RANBP17: variants seen among roughly 807,000 people sequenced by gnomAD.
RANBP17 encodes the protein ran-binding protein 17.
A neutral mutation model predicts 141.2 loss-of-function variants in RANBP17; 158 were observed. The observed-to-expected ratio is 1.12, with a 90% CI of 0.98 to 1.28. RANBP17 has a LOEUF of 1.28. Among genes scored for constraint, RANBP17 ranks in the 50% most tolerant of loss-of-function variants. The probability of loss-of-function intolerance (pLI) is 0.00; values close to 1 mark genes in which losing one functional copy is unlikely to be tolerated. For missense variants in RANBP17, 1,438 were observed against 1,290.7 expected (o/e 1.11, Z -1.75); for synonymous variants, 430 against 450.0 (o/e 0.96, Z 0.56).
At chr5:171,298,192 T>C (rs1481386104) in intron 27 of RANBP17, among the ~76,000 whole-genome samples, 2 of 152,146 alleles carry the variant, frequency 1.3e-5, no homozygotes, top group African/African-American at 4.8e-5. Context: ...TTGAGGTAAC[T>C]ACTCATATTA....
intron 14 of RANBP17, among the ~76,000 whole-genome samples, chr5:171,011,138 T>C (rs965578827): frequency 1.3e-5 from 2 of 152,068 alleles, no homozygotes; most frequent in African/African-American, 4.8e-5. Context: ...TGAGCACAAA[T>C]ACAAAAATTC....
At chr5:170,962,626 C>T (rs915792879) in intron 13 of RANBP17, among the ~76,000 whole-genome samples, 2 of 152,146 alleles carry the variant, frequency 1.3e-5, no homozygotes, top group Non-Finnish European at 2.9e-5. Context: ...TTCACCAGTA[C>T]ACAGATTTTA....
chr5:171,063,676 C>T (rs1262858770), intron 14 of RANBP17, among the ~76,000 whole-genome samples: 3 of 152,310 alleles, frequency 2.0e-5, no homozygotes, highest in South Asian at 2.1e-4. Context: ...CTGGGAGAAC[C>T]ACTGCTCTCT....
At chr5:171,287,507 T>A (rs1331581238) in intron 25 of RANBP17, among the ~76,000 whole-genome samples, 3 of 146,196 alleles carry the variant, frequency 2.1e-5, no homozygotes, top group Admixed American at 6.9e-5. Flanking sequence ...AAAAAAAAAA[T>A]GATTAACAGA....
intron 14 of RANBP17, among the ~76,000 whole-genome samples, chr5:171,001,104 T>G (rs1392683058): frequency 6.6e-6 from 1 of 151,966 alleles, no homozygotes; most frequent in African/African-American, 2.4e-5. Context: ...CAGTGAAATA[T>G]TTTGGGGGTG....
rs142226228 is a variant in RANBP17 at position 171,265,378 on chromosome 5, T to C, written c.2777-303T>C. On this transcript the variant is annotated intron_variant, in intron 24 of 27. Coordinates refer to ENST00000523189, the MANE Select transcript of RANBP17 (RefSeq NM_022897.5). ...GGAGAAACCCCATCTCTACTAGAAA[T>C]ACAAAAATTACCCAGGTGTGGTGGC... is the stretch of plus-strand genomic sequence containing the variant. 3.7e-3 allele frequency among the ~76,000 whole-genome samples: 558 copies of C among 152,098 alleles called. 6 individuals are homozygous for C. The highest frequency in any genetic ancestry group is 0.013 in the African/African-American group (533 of 41,514).
At chr5:171,152,250 TA>T (rs572435373) in intron 14 of RANBP17, among the ~76,000 whole-genome samples, 209 of 137,458 alleles carry the variant, frequency 1.5e-3, no homozygotes, top group Admixed American at 2.0e-3. Flanking sequence ...TCATCTCTAC[TA>T]AAAAAAAAAA....
intron 12 of RANBP17, among the ~76,000 whole-genome samples, chr5:170,952,756 A>G (rs1052545819): frequency 6.6e-6 from 1 of 152,080 alleles, no homozygotes; most frequent in Non-Finnish European, 1.5e-5. Context: ...AGAATAGCAT[A>G]AAATTTGTTT....
At chr5:171,062,364 A>C (rs991774880) in intron 14 of RANBP17, among the ~76,000 whole-genome samples, 1 of 152,198 alleles carries the variant, frequency 6.6e-6, no homozygotes, top group African/African-American at 2.4e-5. Context: ...AGTGGTGACA[A>C]AATCTCTCAG....
intron 14 of RANBP17, among the ~76,000 whole-genome samples, chr5:171,162,053 C>A (rs540850945): frequency 6.6e-6 from 1 of 152,332 alleles, no homozygotes; most frequent in East Asian, 1.9e-4. Flanking sequence ...CTGAAATGCT[C>A]TTTCAAACCA....
Position 170,916,474 on chromosome 5 carries a change from T to C in RANBP17, c.844T>C (p.Cys282Arg), listed in dbSNP as rs760273501. 30 of 1,557,060 alleles carry C rather than the reference T, an allele frequency of 1.9e-5. No homozygotes were observed. Among genetic ancestry groups the C allele is most frequent in the Non-Finnish European group, 2.4e-5 (28 of 1,150,988 alleles). Residue 282 changes from cysteine (C) to arginine (R), a missense_variant, in exon 9 of 28, where the codon TGT becomes CGT. By Grantham distance (180) the Cys-to-Arg change is radical (BLOSUM62 -3). Transcript: ENST00000523189. The stretch of plus-strand genomic sequence containing the variant: ...TTTTGGTATTTTTTAGGCACTTTCA[T>C]GTTTAGTTCAGTTTGCTTCGACAAG... Reference protein sequence around the residue: ...PPLLSQLALSCLVQFASTRRS... With the variant: ...PPLLSQLALSRLVQFASTRRS...
intron 5 of RANBP17, among the ~76,000 whole-genome samples, chr5:170,899,790 T>C (rs963474681): frequency 6.6e-6 from 1 of 152,242 alleles, no homozygotes; most frequent in Non-Finnish European, 1.5e-5. Context: ...GTTTTTGTCA[T>C]TGGTTCTGTT....
At chr5:171,055,619 A>G (rs963961583) in intron 14 of RANBP17, among the ~76,000 whole-genome samples, 1 of 152,042 alleles carries the variant, frequency 6.6e-6, no homozygotes, top group Non-Finnish European at 1.5e-5. Flanking sequence ...TGTACCATCA[A>G]ATACCTATGA....
At position 171,173,442 on chromosome 5, in the gene RANBP17, G is replaced by A. The variant is rs138025072; in HGVS notation, c.1865+2156G>A. On this transcript the variant is annotated intron_variant, in intron 16 of 27. Transcript: ENST00000523189. ...TTAAAATATTAGAAGTAAATGAAAA[G>A]CATGTTTCTCACTATGAAGTTTTTT... 1.1e-4 allele frequency among the ~76,000 whole-genome samples: 16 copies of A among 152,050 alleles called. No homozygotes were observed. The East Asian group carries it at 2.9e-3, about 27-fold the overall frequency.
chr5:171,251,734 T>C, intron 24 of RANBP17: 1 of 726,506 alleles, frequency 1.4e-6, no homozygotes. Context: ...CGGGCTGCGG[T>C]GCGAGCAGGT....
intron 12 of RANBP17, among the ~76,000 whole-genome samples, chr5:170,940,879 A>T (rs1774269880): frequency 6.6e-6 from 1 of 151,638 alleles, no homozygotes; most frequent in Admixed American, 6.6e-5. Flanking sequence ...AATGTCAATG[A>T]CTCAGTGTCA....
chr5:171,080,796 ACT>A (rs1252749945), intron 14 of RANBP17, among the ~76,000 whole-genome samples: 1 of 152,146 alleles, frequency 6.6e-6, no homozygotes, highest in Non-Finnish European at 1.5e-5. Flanking sequence ...TGCATAGAAC[ACT>A]CTTCATCATT....
intron 14 of RANBP17, among the ~76,000 whole-genome samples, chr5:171,078,315 A>G (rs1245351586): frequency 6.6e-6 from 1 of 151,962 alleles, no homozygotes; most frequent in Non-Finnish European, 1.5e-5. Flanking sequence ...GGCACCTGCC[A>G]CCACGCCCAG....
intron 24 of RANBP17, among the ~76,000 whole-genome samples, chr5:171,263,150 CAT>C (rs1766440787): frequency 6.6e-6 from 1 of 152,188 alleles, no homozygotes; most frequent in Non-Finnish European, 1.5e-5. Context: ...GTCAGGCATA[CAT>C]ATGTCTCAGA....
Sources: gnomAD v4.1 joint callset for allele counts (sites outside exome capture counted in the v4.1 genomes callset) on GRCh38, gnomAD v4.1.1 for gene constraint, MANE v1.5 for transcripts, NCBI Gene and HGNC (gene_info 2026-07-23, HGNC 2026-07-21) for gene names.